The following FAM210A variants were observed in gnomAD, a reference collection of about 807,000 sequenced individuals.
FAM210A encodes family with sequence similarity 210 member A.
FAM210A carries 13 observed loss-of-function variants against 25.3 expected under a neutral mutation model. The ratio of observed to expected loss-of-function variants is 0.51; its 90% CI spans 0.33 to 0.82. The LOEUF is 0.82. Ranked by LOEUF, FAM210A falls within the 40% of genes least tolerant of loss-of-function variation. FAM210A has a pLI of 0.02. For missense variants in FAM210A, 319 were observed against 323.2 expected, an observed-to-expected ratio of 0.99 and a Z score of 0.10; for synonymous variants, 125 against 118.7, an observed-to-expected ratio of 1.05 and a Z score of -0.35.
At position 13,666,023 on chromosome 18, in the gene FAM210A, G is replaced by C. The variant is rs1336388829; in HGVS notation, c.*457C>G. The C allele has an allele frequency of 6.3e-6, 1 of 158,568 alleles. No homozygotes were observed. The highest frequency in any genetic ancestry group is 2.4e-5 in the African/African-American group (1 of 41,418). The allele number at this position is 158,568 out of a possible 1,614,324, so 9.8% of individuals were successfully genotyped here. ...AAACACCTTATTTACAGGCAGTTTT[G>C]ATGATGCTAGTTTGTCTCCAAATTA... On this transcript the variant is annotated 3_prime_UTR_variant, in exon 4 of 4. Transcript: ENST00000651643.
At chr18:13,704,298 TA>T (rs2043761934) in intron 1 of FAM210A, among the ~76,000 whole-genome samples, 1 of 152,206 alleles carries the variant, frequency 6.6e-6, no homozygotes, top group Non-Finnish European at 1.5e-5. Context: ...TTAAGTTGCA[TA>T]AGGTTTATAA....
chr18:13,672,035 T>A, intron 2 of FAM210A, 62 bp from the exon 3 acceptor site: 1 of 1,206,870 alleles, frequency 8.3e-7, no homozygotes, highest in Non-Finnish European at 1.2e-6. Context: ...TCAAAAATTA[T>A]CTGAAAATAC....
intron 2 of FAM210A, among the ~76,000 whole-genome samples, chr18:13,673,877 CA>C (rs2043466803): frequency 7.7e-4 from 1 of 1,304 alleles, no homozygotes; most frequent in African/African-American, 5.5e-3. Context: ...TCTTTATTTC[CA>C]GTTTCTGATT....
chr18:13,681,480 AAC>A (rs1398531899), intron 2 of FAM210A, 123 bp downstream of exon 2: 8 of 782,190 alleles, frequency 1.0e-5, no homozygotes, highest in South Asian at 2.0e-5. Context: ...AATGTGAAAA[AAC>A]AGTTATCCTC....
Position 13,666,536 on chromosome 18 carries a change from T to C in FAM210A, c.763A>G (p.Thr255Ala). The C allele has an allele frequency of 3.7e-6, 6 of 1,614,166 alleles. No individual in the cohort carries two copies. The highest frequency in any genetic ancestry group is 5.1e-6 in the Non-Finnish European group (6 of 1,179,988). The change falls in exon 4 of 4, where the codon ACT becomes GCT. Residue 255 changes from threonine to alanine, a missense_variant. Transcript: ENST00000651643. ...TCTTTGGTTTCTTGTAACTTTTCAGTGAGTCTATCTTTTGTTTCTTCCATT... is the reference window on the plus strand; with the variant it reads ...TCTTTGGTTTCTTGTAACTTTTCAGCGAGTCTATCTTTTGTTTCTTCCATT... ...EKMEETKDRLTEKLQETKEKV... is the reference protein window; with the variant it reads ...EKMEETKDRLAEKLQETKEKV...
chr18:13,670,448 A>G (rs1181883703), intron 3 of FAM210A, among the ~76,000 whole-genome samples: 1 of 152,236 alleles, frequency 6.6e-6, no homozygotes, highest in Non-Finnish European at 1.5e-5. Context: ...AGAGGATGCT[A>G]ATGAGGATGA....
At chr18:13,680,559 C>T (rs899114313) in intron 2 of FAM210A, among the ~76,000 whole-genome samples, 2 of 152,188 alleles carry the variant, frequency 1.3e-5, no homozygotes, top group African/African-American at 4.8e-5. Context: ...ATTCCATCAT[C>T]CTGGAAGAGC....
chr18:13,720,367 CAGTATTTTAGGTCACTCAGTA>C (rs2043889327), intron 1 of FAM210A, among the ~76,000 whole-genome samples: 1 of 152,124 alleles, frequency 6.6e-6, no homozygotes, highest in African/African-American at 2.4e-5. Context: ...TCAAAACTAG[CAGTATTTTAGGTCACTCAGTA>C]AACAACCTGA....
intron 1 of FAM210A, among the ~76,000 whole-genome samples, chr18:13,706,929 C>T (rs1246128548): frequency 6.6e-6 from 1 of 152,160 alleles, no homozygotes; most frequent in South Asian, 2.1e-4. Flanking sequence ...GATTTTAGGT[C>T]GTTTGATTTA....
At chr18:13,695,795 G>A (rs1038730095) in intron 1 of FAM210A, among the ~76,000 whole-genome samples, 2 of 151,998 alleles carry the variant, frequency 1.3e-5, no homozygotes, top group African/African-American at 4.8e-5. Context: ...ACACCAACAT[G>A]GCACATGTAT....
chr18:13,680,834 C>T (rs1464661811), intron 2 of FAM210A, among the ~76,000 whole-genome samples: 2 of 152,196 alleles, frequency 1.3e-5, no homozygotes, highest in Admixed American at 1.3e-4. Flanking sequence ...ACTGGTCCTC[C>T]TAAGCCTAAA....
chr18:13,725,358 C>T (rs1191800538), intron 1 of FAM210A, among the ~76,000 whole-genome samples: 1 of 152,084 alleles, frequency 6.6e-6, no homozygotes, highest in African/African-American at 2.4e-5. Context: ...AAAAATAGGC[C>T]TCATTCTTGG....
chr18:13,725,214 G>A (rs2149073962), intron 1 of FAM210A, among the ~76,000 whole-genome samples: 1 of 152,170 alleles, frequency 6.6e-6, no homozygotes, highest in Middle Eastern at 3.4e-3. Flanking sequence ...TGCCTATAAT[G>A]CATTCGATCT....
At position 13,666,612 on chromosome 18, in the gene FAM210A, C is replaced by G; in HGVS notation, c.687G>C (p.Lys229Asn). 1 of 1,614,130 alleles carries G rather than the reference C, an allele frequency of 6.2e-7. No individual in the cohort carries two copies. Among genetic ancestry groups the G allele is most frequent in the Non-Finnish European group, 8.5e-7 (1 of 1,180,030 alleles). Reference protein sequence around the residue: ...HGYMSTPPPVKEYLQDRMEET... With the variant: ...HGYMSTPPPVNEYLQDRMEET... ...CTTCCATCCTGTCCTGCAGATACTC[C>G]TTGACGGGTGGCGGCGTGGACATGT... The change falls in exon 4 of 4, where the codon AAG becomes AAC. Residue 229 changes from lysine (K) to asparagine (N), a missense_variant. Physicochemically the swap from Lys to Asn is moderately conservative, Grantham distance 94 (BLOSUM62 0). Transcript: ENST00000651643.
At position 13,682,011 on chromosome 18, in the gene FAM210A, C is replaced by T. The variant is rs1440970364; in HGVS notation, c.67G>A (p.Ala23Thr). The change falls in exon 2 of 4, where the codon GCT (alanine) becomes ACT (threonine). Residue 23 changes from alanine (A) to threonine (T), a missense_variant. Ala to Thr is a moderately conservative substitution (Grantham distance 58). Coordinates refer to ENST00000651643, the MANE Select transcript of FAM210A (RefSeq NM_152352.4). Reference sequence around the variant, plus strand: ...TTTTGACAGTGTCCAAAGAGACCAGCATTATGTGGTTCCAAGCATGTCCTG... The same window carrying T: ...TTTTGACAGTGTCCAAAGAGACCAGTATTATGTGGTTCCAAGCATGTCCTG... Reference protein sequence around the residue: ...ARRTCLEPHNAGLFGHCQNVK... With the variant: ...ARRTCLEPHNTGLFGHCQNVK... The T allele has an allele frequency of 4.3e-6, 7 of 1,613,888 alleles. No homozygotes were observed. Among genetic ancestry groups the T allele is most frequent in the Admixed American group, 1.7e-5 (1 of 59,996 alleles).
intron 1 of FAM210A, among the ~76,000 whole-genome samples, chr18:13,722,699 A>G (rs2043906622): frequency 6.6e-6 from 1 of 152,206 alleles, no homozygotes; most frequent in Non-Finnish European, 1.5e-5. Context: ...CACCTACAGG[A>G]TAAGACTCTG....
chr18:13,677,114 G>A (rs1214957664), intron 2 of FAM210A, among the ~76,000 whole-genome samples: 25 of 144,026 alleles, frequency 1.7e-4, no homozygotes, highest in Non-Finnish European at 2.5e-4. Context: ...TCGCTCTGTC[G>A]CCCAGGCTGG....
intron 1 of FAM210A, among the ~76,000 whole-genome samples, chr18:13,703,441 G>A (rs1402724149): frequency 6.6e-6 from 1 of 152,190 alleles, no homozygotes; most frequent in Non-Finnish European, 1.5e-5. Flanking sequence ...CACAGTAAAA[G>A]CATTGCACTG....
chr18:13,723,688 C>A (rs2043913582), intron 1 of FAM210A, among the ~76,000 whole-genome samples: 1 of 152,214 alleles, frequency 6.6e-6, no homozygotes. Flanking sequence ...ACCATCATAG[C>A]ATCAACCAAA....
Sources: allele counts gnomAD v4.1 joint callset (sites outside exome capture counted in the v4.1 genomes callset), GRCh38; gene constraint gnomAD v4.1.1; transcripts MANE v1.5; gene names NCBI Gene and HGNC (gene_info 2026-07-23, HGNC 2026-07-21).